GIGYF2: variants seen among roughly 807,000 people sequenced by gnomAD.
GIGYF2 encodes the protein GRB10 interacting GYF protein 2, also known as GRB10-interacting GYF protein 2.
GIGYF2 carries 25 observed loss-of-function variants against 208.1 expected under a neutral mutation model. That is an observed-to-expected ratio of 0.12 (90% CI 0.09 to 0.17). The LOEUF (loss-of-function observed/expected upper bound fraction) is 0.17. Among genes scored for constraint, GIGYF2 ranks in the 10% least tolerant of loss-of-function variants. The pLI is 1.00. For missense variants in GIGYF2, 1,302 were observed against 1,579.4 expected (o/e 0.82, Z 2.98); for synonymous variants, 534 against 543.8 (o/e 0.98, Z 0.25).
intron 14 of GIGYF2, among the ~76,000 whole-genome samples, chr2:232,798,807 T>C (rs1700301995): frequency 6.6e-6 from 1 of 151,926 alleles, no homozygotes; most frequent in East Asian, 1.9e-4. Flanking sequence ...TTTTAATTCA[T>C]TTTAAATATT....
Position 232,816,927 on chromosome 2 carries a change from A to G in GIGYF2, c.2265A>G (p.Arg755=). 6.2e-7 allele frequency: 1 copy of G among 1,612,652 alleles called. No homozygotes were observed. Among genetic ancestry groups the G allele is most frequent in the Non-Finnish European group, 8.5e-7 (1 of 1,178,630 alleles). ...GGGCAAAACGGGAAGAGGAAGAGCG[A>G]AAGAGGCAGGAAGAACTCCGAAGAC... ...EMRAKREEEE[R]KRQEELRRQQ... Residue 755 remains arginine (R), a synonymous_variant, in exon 20 of 29, where the codon CGA becomes CGG. Coordinates refer to ENST00000373563, the MANE Select transcript of GIGYF2 (RefSeq NM_001103146.3).
intron 2 of GIGYF2, among the ~76,000 whole-genome samples, chr2:232,728,944 T>TTTTCCTTTTCTC (rs570943570): frequency 0.012 from 1,864 of 152,144 alleles, 22 homozygotes; most frequent in Non-Finnish European, 0.017. Flanking sequence ...TTCCTTTTCC[T>TTTTCCTTTTCTC]TTTCCTTTTC....
chr2:232,742,483 GTGAGC>G (rs1228825052), intron 3 of GIGYF2, among the ~76,000 whole-genome samples: 3 of 152,324 alleles, frequency 2.0e-5, no homozygotes, highest in South Asian at 2.1e-4. Context: ...GGAGGTTGCA[GTGAGC>G]TGAGCTGAGC....
intron 8 of GIGYF2, among the ~76,000 whole-genome samples, chr2:232,778,251 T>C (rs1699595950): frequency 6.6e-6 from 1 of 152,186 alleles, no homozygotes; most frequent in Non-Finnish European, 1.5e-5. Context: ...ATACATATTA[T>C]AGTAGGCAAG....
intron 22 of GIGYF2, among the ~76,000 whole-genome samples, chr2:232,836,269 T>C (rs1300520087): frequency 1.8e-3 from 2 of 1,142 alleles, no homozygotes; most frequent in African/African-American, 1.1e-3. Context: ...TCTACATATA[T>C]ATATATATAT....
intron 5 of GIGYF2, among the ~76,000 whole-genome samples, chr2:232,753,548 C>T (rs974926105): frequency 1.3e-5 from 2 of 152,076 alleles, no homozygotes; most frequent in Non-Finnish European, 2.9e-5. Flanking sequence ...TGTGAGCCAC[C>T]GTGCCTGGCA....
intron 2 of GIGYF2, chr2:232,729,864 A>C (rs531593788): frequency 2.7e-6 from 2 of 736,080 alleles, no homozygotes; most frequent in East Asian, 5.0e-5. Flanking sequence ...TCGTTTCTTC[A>C]CTTTTCTCCT....
chr2:232,746,293 TAATG>T (rs1698147804), intron 3 of GIGYF2, among the ~76,000 whole-genome samples: 1 of 152,222 alleles, frequency 6.6e-6, no homozygotes, highest in African/African-American at 2.4e-5. Context: ...CTATTTTTAA[TAATG>T]TGCACATATT....
chr2:232,836,393 A>ATATAT (rs1559160990), intron 22 of GIGYF2, among the ~76,000 whole-genome samples: 685 of 51,672 alleles, frequency 0.013, 92 homozygotes, highest in Non-Finnish European at 0.019. Flanking sequence ...AATATATATA[A>ATATAT]ATATAAATAT....
At chr2:232,749,955 T>C (rs1698278461) in intron 5 of GIGYF2, among the ~76,000 whole-genome samples, 1 of 151,938 alleles carries the variant, frequency 6.6e-6, no homozygotes, top group South Asian at 2.1e-4. Context: ...GAGGCCGAGG[T>C]GGGCGGATCA....
intron 12 of GIGYF2, among the ~76,000 whole-genome samples, chr2:232,793,391 G>A (rs1174326383): frequency 6.6e-6 from 1 of 152,132 alleles, no homozygotes; most frequent in Non-Finnish European, 1.5e-5. Flanking sequence ...TCATTGACTG[G>A]ATATCAGGGT....
intron 12 of GIGYF2, among the ~76,000 whole-genome samples, chr2:232,794,083 A>G (rs994659301): frequency 6.6e-6 from 1 of 152,186 alleles, no homozygotes; most frequent in Non-Finnish European, 1.5e-5. Context: ...GCTATCTGTA[A>G]TTGAACAAAC....
At chr2:232,800,869 A>AG (rs1478247790) in intron 14 of GIGYF2, among the ~76,000 whole-genome samples, 1 of 152,076 alleles carries the variant, frequency 6.6e-6, no homozygotes, top group African/African-American at 2.4e-5. Flanking sequence ...TGGGCAACAT[A>AG]GTGAGACCCT....
In GIGYF2 at chr2:232,790,900, A is replaced by G. The variant is rs1270078099; in HGVS notation, c.915A>G (p.Ala305=). The part of the protein sequence containing the change: ...EEMGTFDSSG[A]FLSLKKVQKE... Reference sequence around the variant, plus strand: ...TGGGTACATTTGACTCATCTGGAGCATTCCTTTCTCTAAAAGTAAGAAACG... The same window carrying G: ...TGGGTACATTTGACTCATCTGGAGCGTTCCTTTCTCTAAAAGTAAGAAACG... The change falls in exon 10 of 29, where the codon GCA becomes GCG. Residue 305 remains alanine (A), a synonymous_variant. Transcript: ENST00000373563. 4.3e-6 allele frequency: 7 copies of G among 1,614,106 alleles called. No individual in the cohort carries two copies. In the Admixed American group the frequency reaches 6.7e-5, roughly 15 times the overall value.
rs192492384 is a variant in GIGYF2 at position 232,753,672 on chromosome 2, G to A, written c.268-2551G>A. 4.0e-4 allele frequency among the ~76,000 whole-genome samples: 61 copies of A among 152,238 alleles called. 1 individual carries two copies. Among genetic ancestry groups the A allele is most frequent in the Middle Eastern group, 6.8e-3 (2 of 294 alleles). ...ATGTGTTGCGTGCTTGCAGTCACCC[G>A]TGAGGTAGATAAAAATATCCCTGTC... On this transcript the variant is annotated intron_variant, in intron 5 of 28. Transcript: ENST00000373563.
intron 8 of GIGYF2, among the ~76,000 whole-genome samples, chr2:232,786,184 A>G (rs961798712): frequency 8.5e-5 from 13 of 152,188 alleles, no homozygotes; most frequent in African/African-American, 3.1e-4. Context: ...TCCAAAAGCA[A>G]TTTATGGTAT....
chr2:232,759,953 A>G (rs974875377), intron 6 of GIGYF2, among the ~76,000 whole-genome samples: 3 of 152,062 alleles, frequency 2.0e-5, no homozygotes, highest in African/African-American at 7.2e-5. Context: ...ACCTTTGGTT[A>G]CTCTGTAATA....
chr2:232,718,443 A>G (rs1292315446), intron 2 of GIGYF2, among the ~76,000 whole-genome samples: 1 of 152,200 alleles, frequency 6.6e-6, no homozygotes, highest in Non-Finnish European at 1.5e-5. Flanking sequence ...TTATATGAGT[A>G]TACTGCAGAT....
intron 22 of GIGYF2, among the ~76,000 whole-genome samples, chr2:232,836,263 C>CTCTCTCTCTCTCTCTCTCTCTCT (rs1701588243): frequency 1.6e-4 from 6 of 38,624 alleles, no homozygotes; most frequent in African/African-American, 6.1e-4. Flanking sequence ...CCCATCTCTA[C>CTCTCTCTCTCTCTCTCTCTCTCT]ATATATATAT....
Sources: gnomAD v4.1 joint callset for allele counts (sites outside exome capture counted in the v4.1 genomes callset) on GRCh38, gnomAD v4.1.1 for gene constraint, MANE v1.5 for transcripts, NCBI Gene and HGNC (gene_info 2026-07-23, HGNC 2026-07-21) for gene names.